Variants in ZDHHC7 observed in about 807,000 individuals in gnomAD.
The protein encoded by ZDHHC7 is zDHHC palmitoyltransferase 7.
ZDHHC7 carries 12 observed loss-of-function variants against 34.1 expected under a neutral mutation model. That is an observed-to-expected ratio of 0.35 (90% CI 0.23 to 0.57). The LOEUF (loss-of-function observed/expected upper bound fraction) is 0.57. Ranked by LOEUF, ZDHHC7 falls within the 20% of genes least tolerant of loss-of-function variation. The pLI is 0.84. For missense variants in ZDHHC7, 388 were observed against 402.7 expected, an observed-to-expected ratio of 0.96 and a Z score of 0.31; for synonymous variants, 185 against 155.4, an observed-to-expected ratio of 1.19 and a Z score of -1.42.
At chr16:85,019,810 C>T in the ZDHHC7 span, among the ~76,000 whole-genome samples, 1 of 152,198 alleles carries the variant, frequency 6.6e-6, no homozygotes, top group African/African-American at 2.4e-5. Context: ...GGTCCCTTTT[C>T]TAGACAAACA....
At position 84,976,330 on chromosome 16, in the gene ZDHHC7, G is replaced by C. The variant is rs1434053775; in HGVS notation, c.*13C>G. 6.2e-7 allele frequency: 1 copy of C among 1,612,048 alleles called. No individual in the cohort carries two copies. Among genetic ancestry groups the C allele is most frequent in the South Asian group, 1.1e-5 (1 of 90,934 alleles). ...GAAGTCTGTGAGCAAGTTTCAGTCTGATGAGCCACGCCTCACACTGAGAAC... is the reference window on the plus strand; with the variant it reads ...GAAGTCTGTGAGCAAGTTTCAGTCTCATGAGCCACGCCTCACACTGAGAAC... On this transcript the variant is annotated 3_prime_UTR_variant, in exon 8 of 8. Transcript: ENST00000313732.
At chr16:84,999,536 G>A (rs960263274) in intron 1 of ZDHHC7, among the ~76,000 whole-genome samples, 2 of 152,070 alleles carry the variant, frequency 1.3e-5, no homozygotes, top group African/African-American at 4.8e-5. Flanking sequence ...GAGCAAAAAA[G>A]CAGGAAAATA....
intron 1 of ZDHHC7, among the ~76,000 whole-genome samples, chr16:84,999,014 C>CA (rs1195801314): frequency 5.3e-5 from 8 of 152,322 alleles, no homozygotes; most frequent in Middle Eastern, 3.4e-3. Context: ...CTCAGCCTCC[C>CA]AAAGTGCTGG....
chr16:84,979,553 A>G lies in ZDHHC7; in HGVS notation c.441-268T>C, dbSNP rs540157212. On this transcript the variant is annotated intron_variant, in intron 4 of 7. Coordinates refer to ENST00000313732, the MANE Select transcript of ZDHHC7 (RefSeq NM_017740.3). ...TTCACGAGTTCTCAGACACTCCCCC[A>G]GTAGAGCTGGATCATGTACACCTAT... 3.3e-5 allele frequency among the ~76,000 whole-genome samples: 5 copies of G among 152,314 alleles called. No individual in the cohort carries two copies. The East Asian group carries it at 9.6e-4, about 29-fold the overall frequency.
intron 1 of ZDHHC7, among the ~76,000 whole-genome samples, chr16:85,009,704 TTTTTC>T (rs1217465474): frequency 0.027 from 3,705 of 134,758 alleles, 70 homozygotes; most frequent in Non-Finnish European, 0.034. Flanking sequence ...GTTCTGACTT[TTTTTC>T]TTTTTTTTTT....
At chr16:85,017,770 A>G in the ZDHHC7 span, among the ~76,000 whole-genome samples, 1 of 152,172 alleles carries the variant, frequency 6.6e-6, no homozygotes, top group Non-Finnish European at 1.5e-5. Context: ...GAATTTAAGG[A>G]TAAGTCAGAA....
the ZDHHC7 span, among the ~76,000 whole-genome samples, chr16:85,021,409 CAAAAAAAA>C: frequency 1.2e-5 from 1 of 85,472 alleles, no homozygotes; most frequent in South Asian, 4.0e-4. Flanking sequence ...AGACTCCATC[CAAAAAAAA>C]AAAAAAAAAA....
chr16:85,000,020 C>T (rs1239209669), intron 1 of ZDHHC7, among the ~76,000 whole-genome samples: 1 of 151,240 alleles, frequency 6.6e-6, no homozygotes, highest in African/African-American at 2.4e-5. Flanking sequence ...AGGGCCTGTA[C>T]TCCCAGCTGC....
intron 4 of ZDHHC7, 27 bp from the exon 5 acceptor site, chr16:84,979,312 T>A: frequency 1.2e-6 from 2 of 1,604,518 alleles, no homozygotes; most frequent in Non-Finnish European, 1.7e-6. Flanking sequence ...GATTTTTCAG[T>A]ATTCCATGCT....
intron 2 of ZDHHC7, among the ~76,000 whole-genome samples, chr16:84,994,355 G>A (rs931126629): frequency 7.9e-5 from 12 of 152,334 alleles, no homozygotes; most frequent in South Asian, 2.1e-4. Flanking sequence ...CATCAAGGCC[G>A]TAAGCTGAAA....
intron 1 of ZDHHC7, among the ~76,000 whole-genome samples, chr16:85,007,688 T>G (rs139018267): frequency 1.3e-5 from 2 of 152,112 alleles, no homozygotes; most frequent in African/African-American, 2.4e-5. Flanking sequence ...TTCGAAGACA[T>G]TTTAGTTAAA....
chr16:85,013,042 A>C (rs2072814720), upstream of ZDHHC7, among the ~76,000 whole-genome samples: 1 of 152,198 alleles, frequency 6.6e-6, no homozygotes, highest in Non-Finnish European at 1.5e-5. Context: ...TTTTCTGCCT[A>C]AAGGGCAGGT....
chr16:85,006,603 A>C (rs1013009943), intron 1 of ZDHHC7, among the ~76,000 whole-genome samples: 11 of 152,092 alleles, frequency 7.2e-5, no homozygotes, highest in Admixed American at 3.3e-4. Flanking sequence ...AGCCAGTTTC[A>C]GTGGCATGCA....
chr16:85,019,799 T>G, the ZDHHC7 span, among the ~76,000 whole-genome samples: 2 of 152,214 alleles, frequency 1.3e-5, no homozygotes, highest in Non-Finnish European at 2.9e-5. Context: ...TCACTATGAT[T>G]GGTCCCTTTT....
At chr16:84,994,145 T>C (rs1490303091) in intron 2 of ZDHHC7, among the ~76,000 whole-genome samples, 1 of 152,230 alleles carries the variant, frequency 6.6e-6, no homozygotes, top group Non-Finnish European at 1.5e-5. Context: ...CCCGGCCTGA[T>C]GTCAGCCCCT....
rs545258493 is a variant in ZDHHC7 at position 84,999,680 on chromosome 16, A to C, written c.-103-3673T>G. Among the ~76,000 whole-genome samples, 7 of 152,304 alleles carry C rather than the reference A, an allele frequency of 4.6e-5. No homozygotes were observed. In the East Asian group the frequency reaches 9.6e-4, roughly 21 times the overall value. The stretch of plus-strand genomic sequence containing the variant: ...AGGCAAACTCGTTTATTTAGAAAGA[A>C]ATCAGAATAAGGATTTGAGCACAAG... On this transcript the variant is annotated intron_variant, in intron 1 of 7. Transcript: ENST00000313732.
chr16:84,986,461 G>A lies in ZDHHC7; in HGVS notation c.315+3843C>T, dbSNP rs138721307. Among the ~76,000 whole-genome samples the A allele has an allele frequency of 9.8e-5, 15 of 152,340 alleles. No homozygotes were observed. The East Asian group carries it at 1.5e-3, about 16-fold the overall frequency. ...TGAAGGCTACCTCCGGAAGGCACTC[G>A]CACGGCTGCCGAGAAGGCTCGTAGG... On this transcript the variant is annotated intron_variant, in intron 3 of 7. Transcript: ENST00000313732.
intron 3 of ZDHHC7, among the ~76,000 whole-genome samples, chr16:84,987,053 C>T (rs2072445993): frequency 6.6e-6 from 1 of 152,226 alleles, no homozygotes; most frequent in African/African-American, 2.4e-5. Context: ...CCCTGGGCAG[C>T]AGGAAAGCCA....
chr16:84,996,088 T>C (rs1259352614), intron 1 of ZDHHC7, 81 bp from the exon 2 acceptor site: 1 of 152,216 alleles, frequency 6.6e-6, no homozygotes, highest in Non-Finnish European at 1.5e-5. Flanking sequence ...GTATGATTAA[T>C]TTTTGGAGCG....
Sources: gnomAD v4.1 joint callset for allele counts (sites outside exome capture counted in the v4.1 genomes callset) on GRCh38, gnomAD v4.1.1 for gene constraint, MANE v1.5 for transcripts, NCBI Gene and HGNC (gene_info 2026-07-23, HGNC 2026-07-21) for gene names.